LMNB1: variants seen among roughly 807,000 people sequenced by gnomAD.
LMNB1 encodes lamin-B1.
LMNB1 carries 23 observed loss-of-function variants against 67.1 expected under a neutral mutation model. That is an observed-to-expected ratio of 0.34 (90% CI 0.25 to 0.49). LMNB1 has a LOEUF of 0.49. Among genes scored for constraint, LMNB1 ranks in the 20% least tolerant of loss-of-function variants. The pLI is 0.99. For missense variants in LMNB1, 634 were observed against 746.5 expected (o/e 0.85, Z 1.76); for synonymous variants, 281 against 282.9 (o/e 0.99, Z 0.07).
At chr5:126,786,400 C>G (rs915408094) in intron 1 of LMNB1, among the ~76,000 whole-genome samples, 1 of 152,112 alleles carries the variant, frequency 6.6e-6, no homozygotes, top group Non-Finnish European at 1.5e-5. Flanking sequence ...GGATTACAGG[C>G]GTGAGCCACC....
chr5:126,786,119 T>G (rs1750774268), intron 1 of LMNB1, among the ~76,000 whole-genome samples: 1 of 146,206 alleles, frequency 6.8e-6, no homozygotes, highest in Admixed American at 6.8e-5. Context: ...TATCTTTTTT[T>G]TTTTTTTTTT....
In LMNB1 at chr5:126,832,680, A is replaced by G; in HGVS notation, c.1612-14A>G. The G allele has an allele frequency of 1.9e-6, 3 of 1,568,772 alleles. No homozygotes were observed. Among genetic ancestry groups the G allele is most frequent in the Non-Finnish European group, 2.6e-6 (3 of 1,140,044 alleles). On this transcript the variant is annotated splice_polypyrimidine_tract_variant and intron_variant, in intron 9 of 10. Transcript: ENST00000261366. ...TTAAGTGTGTTTTTTAACTTAAACT[A>G]CTATTGTTTTTAGGAGGTTGCTCAA... is the stretch of plus-strand genomic sequence containing the variant.
intron 1 of LMNB1, among the ~76,000 whole-genome samples, chr5:126,793,059 G>A (rs1003253117): frequency 6.6e-6 from 1 of 152,116 alleles, no homozygotes; most frequent in African/African-American, 2.4e-5. Flanking sequence ...ACAGTATATA[G>A]CTACTATTCA....
chr5:126,811,784 C>A lies in LMNB1; in HGVS notation c.825C>A (p.Ala275=). 1 of 1,602,458 alleles carries A rather than the reference C, an allele frequency of 6.2e-7. No homozygotes were observed. The highest frequency in any genetic ancestry group is 1.1e-5 in the South Asian group (1 of 90,374). Residue 275 remains alanine, a synonymous_variant, in exon 5 of 11, where the codon GCC becomes GCA. Transcript: ENST00000261366. ...EQTYHAKLEN[A]RLSSEMNTST... is the part of the protein sequence containing the mutation. ...GCTTCTTCTTTTAGCTTGAGAATGC[C>A]AGACTGTCATCAGAGATGAATACTT...
intron 1 of LMNB1, among the ~76,000 whole-genome samples, chr5:126,786,283 C>T (rs564927748): frequency 2.6e-5 from 4 of 151,810 alleles, no homozygotes; most frequent in African/African-American, 7.2e-5. Context: ...CCACTACGCC[C>T]GGCTAATTTT....
chr5:126,824,634 C>T (rs1007491970), intron 8 of LMNB1, among the ~76,000 whole-genome samples: 2 of 152,168 alleles, frequency 1.3e-5, no homozygotes, highest in African/African-American at 4.8e-5. Context: ...AGAAATATTG[C>T]TTACAATTAG....
chr5:126,777,890 G>A, intron 1 of LMNB1, 23 bp downstream of exon 1: 3 of 1,382,996 alleles, frequency 2.2e-6, no homozygotes, highest in South Asian at 1.6e-5. Flanking sequence ...TGGCGGCCGC[G>A]TTAGCGCCAA....
intron 1 of LMNB1, among the ~76,000 whole-genome samples, chr5:126,790,047 G>A (rs996283036): frequency 2.0e-5 from 3 of 151,780 alleles, no homozygotes; most frequent in South Asian, 2.1e-4. Context: ...CAGATGATCC[G>A]CCCACCTCAG....
chr5:126,827,386 G>T (rs745437904), intron 9 of LMNB1, among the ~76,000 whole-genome samples: 5 of 152,184 alleles, frequency 3.3e-5, no homozygotes, highest in Non-Finnish European at 5.9e-5. Flanking sequence ...CAGGCCCAGC[G>T]CAGTGGCTCA....
At chr5:126,823,233 G>A (rs1348497381) in intron 8 of LMNB1, among the ~76,000 whole-genome samples, 1 of 152,132 alleles carries the variant, frequency 6.6e-6, no homozygotes, top group Admixed American at 6.5e-5. Flanking sequence ...TCTAGCCTTG[G>A]GTGAGCTTCA....
intron 1 of LMNB1, among the ~76,000 whole-genome samples, chr5:126,796,495 CG>C (rs1437191385): frequency 6.6e-6 from 1 of 152,092 alleles, no homozygotes; most frequent in African/African-American, 2.4e-5. Flanking sequence ...GTCAAACTGG[CG>C]GCATGTTGAA....
chr5:126,793,669 G>A (rs1201106565), intron 1 of LMNB1, among the ~76,000 whole-genome samples: 3 of 152,122 alleles, frequency 2.0e-5, no homozygotes, highest in Admixed American at 1.3e-4. Context: ...GAGGTCAGGG[G>A]TTCGAGACCA....
intron 7 of LMNB1, among the ~76,000 whole-genome samples, chr5:126,821,671 A>G (rs891404691): frequency 4.6e-5 from 7 of 152,206 alleles, no homozygotes; most frequent in African/African-American, 1.7e-4. Context: ...AAGTATTCAT[A>G]GCAGAGATTT....
intron 5 of LMNB1, among the ~76,000 whole-genome samples, chr5:126,817,555 C>T (rs1751743049): frequency 6.6e-6 from 1 of 152,136 alleles, no homozygotes; most frequent in South Asian, 2.1e-4. Flanking sequence ...TGACTTGAAT[C>T]TAGTAGGACA....
intron 1 of LMNB1, among the ~76,000 whole-genome samples, chr5:126,803,092 A>G (rs1307259200): frequency 1.3e-5 from 2 of 150,468 alleles, no homozygotes. Context: ...AGGCTGAGGC[A>G]TGAGAACCAC....
intron 9 of LMNB1, among the ~76,000 whole-genome samples, chr5:126,827,915 G>A (rs944325943): frequency 5.3e-5 from 8 of 152,246 alleles, no homozygotes; most frequent in African/African-American, 1.7e-4. Context: ...TCTAACCTGC[G>A]TGGTGCTCAT....
intron 1 of LMNB1, among the ~76,000 whole-genome samples, chr5:126,778,124 G>A (rs1309272115): frequency 6.6e-6 from 1 of 152,204 alleles, no homozygotes; most frequent in Non-Finnish European, 1.5e-5. Context: ...CCGCTGGGAC[G>A]TGGTAAGTGC....
intron 6 of LMNB1, among the ~76,000 whole-genome samples, chr5:126,820,159 GAAAA>G (rs904850855): frequency 6.6e-6 from 1 of 150,462 alleles, no homozygotes; most frequent in Non-Finnish European, 1.5e-5. Context: ...AAAAGAAAAA[GAAAA>G]AAAAAGTTCC....
At chr5:126,780,928 G>A (rs1750618837) in intron 1 of LMNB1, among the ~76,000 whole-genome samples, 1 of 152,092 alleles carries the variant, frequency 6.6e-6, no homozygotes, top group South Asian at 2.1e-4. Flanking sequence ...TCTATCACAT[G>A]AATCTGCTTT....
Sources: allele counts gnomAD v4.1 joint callset (sites outside exome capture counted in the v4.1 genomes callset), GRCh38; gene constraint gnomAD v4.1.1; transcripts MANE v1.5; gene names NCBI Gene and HGNC (gene_info 2026-07-23, HGNC 2026-07-21).